The following CARS2 variants were observed in gnomAD, a reference collection of about 807,000 sequenced individuals.
CARS2 encodes cysteinyl-tRNA synthetase 2, mitochondrial.
CARS2 carries 52 observed loss-of-function variants against 68.8 expected under a neutral mutation model. That is an observed-to-expected ratio of 0.76 (90% CI 0.61 to 0.95). CARS2 has a LOEUF of 0.95. CARS2 is among the 40% of genes least tolerant of loss of function. The pLI is 0.00. For synonymous variants in CARS2, 314 were observed against 303.6 expected, an observed-to-expected ratio of 1.03 and a Z score of -0.36; for missense variants, 780 against 754.2, an observed-to-expected ratio of 1.03 and a Z score of -0.40.
Position 110,674,148 on chromosome 13 carries a change from T to G in CARS2, c.785+2826A>C, listed in dbSNP as rs140439558. Among the ~76,000 whole-genome samples, 108 of 152,306 alleles carry G rather than the reference T, an allele frequency of 7.1e-4. 2 individuals are homozygous for G. The East Asian group carries it at 0.02, about 28-fold the overall frequency. On this transcript the variant is annotated intron_variant, in intron 7 of 14. Coordinates refer to ENST00000257347, the MANE Select transcript of CARS2 (RefSeq NM_024537.4). ...TGGCCATACTGCCCAAGGTAACTTA[T>G]AGATTCAATGCCATCCCTATCAAGC...
rs1447612896 is a variant in CARS2 at position 110,706,082 on chromosome 13, A to C, written c.12T>G (p.Thr4=). Residue 4 remains threonine (T), a synonymous_variant, in exon 1 of 15, where the codon ACT becomes ACG. Transcript: ENST00000257347. Reference sequence around the variant, plus strand: ...GGGGGCCCAGGCCTGGGCCGCGCGTAGTCCTCAACATGTCAGCGGCCAGCG... The same window carrying C: ...GGGGGCCCAGGCCTGGGCCGCGCGTCGTCCTCAACATGTCAGCGGCCAGCG... MLR[T]TRGPGLGPPL... 3 of 1,318,364 alleles carry C rather than the reference A, an allele frequency of 2.3e-6. No individual in the cohort carries two copies. The highest frequency in any genetic ancestry group is 9.6e-7 in the Non-Finnish European group (1 of 1,036,624). 81.7% of individuals were successfully genotyped at this position (1,318,364 alleles called of 1,614,324 possible).
At chr13:110,690,605 C>T (rs571521029) in intron 3 of CARS2, among the ~76,000 whole-genome samples, 1 of 152,220 alleles carries the variant, frequency 6.6e-6, no homozygotes, top group African/African-American at 2.4e-5. Context: ...GGTCCTGTCC[C>T]GATGCACATC....
At chr13:110,654,925 AAAAAAAAAAAGAAAAAG>A (rs1468436892) in intron 9 of CARS2, among the ~76,000 whole-genome samples, 8 of 141,412 alleles carry the variant, frequency 5.7e-5, no homozygotes, top group Non-Finnish European at 7.5e-5. Flanking sequence ...CTCTCTCAAA[AAAAAAAAAAAGAAAAAG>A]AAAAAAAAAG....
chr13:110,644,085 A>T, intron 13 of CARS2: 1 of 1,305,842 alleles, frequency 7.7e-7, no homozygotes, highest in South Asian at 1.3e-5. Context: ...ACTTCTGCAC[A>T]TTCTGAGAGT....
At chr13:110,680,978 G>A (rs2063142240) in intron 6 of CARS2, among the ~76,000 whole-genome samples, 1 of 152,240 alleles carries the variant, frequency 6.6e-6, no homozygotes, top group African/African-American at 2.4e-5. Context: ...GGAGGACTCA[G>A]GTGCCTTCGC....
chr13:110,706,909 GCATA>G (rs1372907759), upstream of CARS2, among the ~76,000 whole-genome samples: 3 of 143,558 alleles, frequency 2.1e-5, no homozygotes, highest in African/African-American at 5.3e-5. Context: ...GTGCAACCCA[GCATA>G]CAGTCTGCAC....
chr13:110,701,176 G>C (rs2063774391), intron 3 of CARS2, among the ~76,000 whole-genome samples: 1 of 151,932 alleles, frequency 6.6e-6, no homozygotes, highest in Non-Finnish European at 1.5e-5. Context: ...CGATTCTCCT[G>C]CCTGAGCCTC....
At chr13:110,692,094 A>G (rs962635455) in intron 3 of CARS2, among the ~76,000 whole-genome samples, 25 of 148,112 alleles carry the variant, frequency 1.7e-4, no homozygotes, top group African/African-American at 6.0e-4. Context: ...ATACACACAC[A>G]TATATACATA....
intron 9 of CARS2, among the ~76,000 whole-genome samples, chr13:110,662,301 G>A (rs1352842088): frequency 1.8e-5 from 2 of 112,444 alleles, no homozygotes; most frequent in Non-Finnish European, 3.7e-5. Context: ...TCTGCGTCAT[G>A]CAACCCCATG....
At chr13:110,713,406 C>T in exon 1 of CARS2, 2 of 1,019,540 alleles carry the variant, frequency 2.0e-6, no homozygotes, top group Non-Finnish European at 2.3e-6. Context: ...CTGTGCCGCC[C>T]AACAGGCTCT....
At chr13:110,711,699 G>T (rs779259021) in intron 1 of CARS2, among the ~76,000 whole-genome samples, 4 of 152,252 alleles carry the variant, frequency 2.6e-5, no homozygotes, top group Non-Finnish European at 4.4e-5. Flanking sequence ...GGGCTTAAAA[G>T]TGAAGATTAA....
At chr13:110,693,230 A>G (rs934629484) in intron 3 of CARS2, among the ~76,000 whole-genome samples, 2 of 151,692 alleles carry the variant, frequency 1.3e-5, no homozygotes, top group African/African-American at 2.4e-5. Flanking sequence ...AACACCCAAT[A>G]CTCCCTTCTC....
chr13:110,701,073 CTT>C (rs374928372), intron 3 of CARS2, among the ~76,000 whole-genome samples: 1 of 147,106 alleles, frequency 6.8e-6, no homozygotes, highest in African/African-American at 2.5e-5. Context: ...TTTCTTTTTT[CTT>C]TTTTTTTTTG....
chr13:110,709,017 C>T (rs554361010), upstream of CARS2, among the ~76,000 whole-genome samples: 1 of 152,126 alleles, frequency 6.6e-6, no homozygotes, highest in South Asian at 2.1e-4. Flanking sequence ...CCACCTCAGC[C>T]TCCCAAAGCG....
chr13:110,654,146 C>T lies in CARS2; in HGVS notation c.988-3046G>A, dbSNP rs762617564. Among the ~76,000 whole-genome samples the T allele has an allele frequency of 1.7e-4, 26 of 152,262 alleles. No individual in the cohort carries two copies. In the South Asian group the frequency reaches 1.9e-3, roughly 11 times the overall value. On this transcript the variant is annotated intron_variant, in intron 9 of 14. Transcript: ENST00000257347. ...CCCGCTGGGTACACATGCCAGTTGCCGAGGGACTTCCTATGATGCCAGCGC... is the reference window on the plus strand; with the variant it reads ...CCCGCTGGGTACACATGCCAGTTGCTGAGGGACTTCCTATGATGCCAGCGC...
intron 5 of CARS2, among the ~76,000 whole-genome samples, chr13:110,686,517 G>A (rs1017112676): frequency 6.6e-6 from 1 of 151,884 alleles, no homozygotes; most frequent in Admixed American, 6.6e-5. Flanking sequence ...AAAGTGCTGG[G>A]ATTATAGGTA....
At chr13:110,706,245 T>G (rs2063956492), upstream of CARS2, 3 of 477,714 alleles carry the variant, frequency 6.3e-6, no homozygotes, top group East Asian at 4.7e-5. Context: ...CGCCTCCCTT[T>G]GGCCTGGCTC....
intron 10 of CARS2, chr13:110,650,432 G>A (rs1239899027): frequency 6.6e-6 from 1 of 152,222 alleles, no homozygotes; most frequent in African/African-American, 2.4e-5. Context: ...ATCTCACTAT[G>A]TTGCCCAGGC....
In CARS2 at chr13:110,668,405, G is replaced by A. The variant is rs2062708658; in HGVS notation, c.786-932C>T. 6.6e-6 allele frequency among the ~76,000 whole-genome samples: 1 copy of A among 152,160 alleles called. No individual in the cohort carries two copies. ...AAAATACAAAAAATCAGCCGGGCGT[G>A]GTGGCGGGTGCCTGTAGTCCCAGCT... On this transcript the variant is annotated intron_variant, in intron 7 of 14. Coordinates refer to ENST00000257347, the MANE Select transcript of CARS2 (RefSeq NM_024537.4). This position sits in a 1 kb window ranked among gnomAD's most constrained non-coding sequence, Gnocchi z 4.1.
Sources: allele counts gnomAD v4.1 joint callset (sites outside exome capture counted in the v4.1 genomes callset), GRCh38; gene constraint gnomAD v4.1.1; non-coding constraint Gnocchi (gnomAD v3.1); transcripts MANE v1.5; gene names NCBI Gene and HGNC (gene_info 2026-07-23, HGNC 2026-07-21).